Variants in NCAM2 observed in about 807,000 individuals in gnomAD.
NCAM2 encodes the protein N-CAM-2.
Under a neutral mutation model 98.1 loss-of-function variants are expected in NCAM2, and 30 were observed. That is an observed-to-expected ratio of 0.31 (90% confidence interval 0.23 to 0.41). The LOEUF is 0.41. Ranked by LOEUF, NCAM2 falls within the 10% of genes least tolerant of loss-of-function variation. The pLI is 1.00. For synonymous variants in NCAM2, 368 were observed against 342.4 expected (o/e 1.07, Z -0.83); for missense variants, 867 against 1,005.8 (o/e 0.86, Z 1.87).
At chr21:21,220,006 A>G (rs1340625254) in intron 1 of NCAM2, among the ~76,000 whole-genome samples, 1 of 152,188 alleles carries the variant, frequency 6.6e-6, no homozygotes, top group Admixed American at 6.5e-5. Flanking sequence ...GAAAGCATTT[A>G]TGTACAGCTG....
intron 2 of NCAM2, among the ~76,000 whole-genome samples, chr21:21,283,726 T>G (rs1433354592): frequency 6.6e-6 from 1 of 151,942 alleles, no homozygotes; most frequent in Non-Finnish European, 1.5e-5. Flanking sequence ...GATTTACATT[T>G]TTGTAAGCTC....
At chr21:21,516,991 G>C (rs930917038) in intron 16 of NCAM2, among the ~76,000 whole-genome samples, 1 of 152,046 alleles carries the variant, frequency 6.6e-6, no homozygotes, top group Non-Finnish European at 1.5e-5. Flanking sequence ...GTCTGCGTCT[G>C]GTCCTTATCA....
At position 21,504,744 on chromosome 21, in the gene NCAM2, TAGAAC is replaced by T. The variant is rs919350376; in HGVS notation, c.2078-4105_2078-4101del. Among the ~76,000 whole-genome samples the T allele has an allele frequency of 5.7e-4, 87 of 151,794 alleles. 1 individual carries two copies. The Middle Eastern group carries it at 0.01, about 18-fold the overall frequency. On this transcript the variant is annotated intron_variant, in intron 15 of 17. Coordinates refer to ENST00000400546, the MANE Select transcript of NCAM2 (RefSeq NM_004540.5). ...TATATATAATATGTATATACATACA[TAGAAC>T]ATAACTTTCAAAAGACAAAACTTAT...
chr21:21,016,289 G>A (rs772941711), intron 1 of NCAM2, among the ~76,000 whole-genome samples: 3 of 152,174 alleles, frequency 2.0e-5, no homozygotes, highest in Non-Finnish European at 2.9e-5. Flanking sequence ...AGTCAAATAT[G>A]TCTGCCGCAG....
intron 15 of NCAM2, among the ~76,000 whole-genome samples, chr21:21,494,357 C>T (rs1456603902): frequency 6.6e-6 from 1 of 151,834 alleles, no homozygotes; most frequent in Non-Finnish European, 1.5e-5. Flanking sequence ...ATATATGGAG[C>T]AGCCTTTCAA....
chr21:21,526,095 A>C (rs1300068156), intron 16 of NCAM2, among the ~76,000 whole-genome samples: 1 of 152,064 alleles, frequency 6.6e-6, no homozygotes, highest in Non-Finnish European at 1.5e-5. Context: ...TCTCTCACTA[A>C]TTCTTTTCAA....
At chr21:21,062,754 A>T (rs1392024569) in intron 1 of NCAM2, among the ~76,000 whole-genome samples, 3 of 152,224 alleles carry the variant, frequency 2.0e-5, no homozygotes, top group African/African-American at 7.2e-5. Context: ...GAGGTCAATT[A>T]TGCCTCATAT....
At chr21:21,433,014 T>C (rs1233970229) in intron 12 of NCAM2, among the ~76,000 whole-genome samples, 1 of 152,094 alleles carries the variant, frequency 6.6e-6, no homozygotes, top group Non-Finnish European at 1.5e-5. Flanking sequence ...CCCTAACACA[T>C]ATGGTGTAGG....
At chr21:21,004,332 T>C (rs2064073391) in intron 1 of NCAM2, among the ~76,000 whole-genome samples, 2 of 152,172 alleles carry the variant, frequency 1.3e-5, no homozygotes, top group African/African-American at 4.8e-5. Flanking sequence ...TTATAACTTA[T>C]GATTACCAAT....
chr21:21,439,883 G>A (rs186227644), intron 12 of NCAM2, among the ~76,000 whole-genome samples: 110 of 152,244 alleles, frequency 7.2e-4, no homozygotes, highest in African/African-American at 2.4e-3. Context: ...TATAGAACAC[G>A]TGTATGTTCA....
chr21:21,338,668 G>A, intron 8 of NCAM2, 134 bp downstream of exon 8: 3 of 917,820 alleles, frequency 3.3e-6, no homozygotes, highest in South Asian at 4.0e-5. Context: ...TTTTTAAAAA[G>A]GTAACTAACA....
intron 9 of NCAM2, among the ~76,000 whole-genome samples, chr21:21,381,372 T>C (rs2076150557): frequency 6.9e-6 from 1 of 144,148 alleles, no homozygotes; most frequent in African/African-American, 2.6e-5. Context: ...GCCTACAATT[T>C]TTATTTATAT....
intron 5 of NCAM2, among the ~76,000 whole-genome samples, chr21:21,308,070 TAC>T (rs71195319): frequency 2.6e-5 from 4 of 150,968 alleles, no homozygotes; most frequent in African/African-American, 9.7e-5. Context: ...CATACACACA[TAC>T]ACACACACAC....
At chr21:21,048,475 C>G (rs999706101) in intron 1 of NCAM2, among the ~76,000 whole-genome samples, 4 of 152,086 alleles carry the variant, frequency 2.6e-5, no homozygotes, top group African/African-American at 7.2e-5. Flanking sequence ...GCCTCAGCCT[C>G]CAGAGTTAGC....
At position 21,248,105 on chromosome 21, in the gene NCAM2, G is replaced by A. The variant is rs1055063223; in HGVS notation, c.56-32473G>A. Among the ~76,000 whole-genome samples the A allele has an allele frequency of 2.7e-4, 30 of 109,696 alleles. No homozygotes were observed. In the South Asian group the frequency reaches 6.2e-3, roughly 23 times the overall value. The allele number at this position is 109,696 out of a possible 152,430, so 72.0% of individuals were successfully genotyped here. ...ATTATATAAGTATGTGTATAAATAA[G>A]TAAACTCTACATGTATATGGAATTC... On this transcript the variant is annotated intron_variant, in intron 1 of 17. Coordinates refer to ENST00000400546, the MANE Select transcript of NCAM2 (RefSeq NM_004540.5).
At chr21:21,336,069 C>T (rs1198090947) in intron 7 of NCAM2, among the ~76,000 whole-genome samples, 1 of 152,020 alleles carries the variant, frequency 6.6e-6, no homozygotes, top group Non-Finnish European at 1.5e-5. Context: ...TAAATATTTG[C>T]TTTCATTTAA....
chr21:21,535,751 T>G (rs1989947363), intron 17 of NCAM2, among the ~76,000 whole-genome samples: 1 of 152,112 alleles, frequency 6.6e-6, no homozygotes, highest in South Asian at 2.1e-4. Context: ...GTTAAGAATA[T>G]GCTCTTGGAC....
intron 1 of NCAM2, among the ~76,000 whole-genome samples, chr21:21,196,156 T>A (rs1175219529): frequency 6.6e-6 from 1 of 152,148 alleles, no homozygotes; most frequent in Non-Finnish European, 1.5e-5. Context: ...AGTTCCCACT[T>A]TAAGAAAGAA....
At chr21:21,382,853 G>T (rs1195687830) in intron 9 of NCAM2, among the ~76,000 whole-genome samples, 28 of 150,630 alleles carry the variant, frequency 1.9e-4, no homozygotes, top group Non-Finnish European at 1.0e-4. Flanking sequence ...TTTTTTTTAA[G>T]TTCTAAAATT....
Sources: gnomAD v4.1 joint callset for allele counts (sites outside exome capture counted in the v4.1 genomes callset) on GRCh38, gnomAD v4.1.1 for gene constraint, MANE v1.5 for transcripts, NCBI Gene and HGNC (gene_info 2026-07-23, HGNC 2026-07-21) for gene names.